The following APP variants were observed in gnomAD, a reference collection of about 807,000 sequenced individuals.
The protein encoded by APP is amyloid beta precursor protein, also known as amyloid-beta precursor protein.
APP carries 31 observed loss-of-function variants against 101.4 expected under a neutral mutation model. The observed-to-expected ratio is 0.31, with a 90% CI of 0.23 to 0.41. The LOEUF (loss-of-function observed/expected upper bound fraction) is 0.41, where lower values mean the gene tolerates loss of function less well. Ranked by LOEUF, APP falls within the 10% of genes least tolerant of loss-of-function variation. The probability of loss-of-function intolerance (pLI) is 1.00; values close to 1 mark genes in which losing one functional copy is unlikely to be tolerated. For synonymous variants in APP, 366 were observed against 364.4 expected, an observed-to-expected ratio of 1.00 and a Z score of -0.05; for missense variants, 839 against 1,003.7, an observed-to-expected ratio of 0.84 and a Z score of 2.22.
At chr21:26,065,594 T>C (rs570138293) in intron 3 of APP, among the ~76,000 whole-genome samples, 9 of 152,332 alleles carry the variant, frequency 5.9e-5, no homozygotes, top group Admixed American at 3.9e-4. Flanking sequence ...ATGAGGAATC[T>C]TGAGCCTGAT....
intron 1 of APP, among the ~76,000 whole-genome samples, chr21:26,123,474 C>T (rs1043742174): frequency 6.6e-6 from 1 of 152,168 alleles, no homozygotes. Context: ...AAGAATACTC[C>T]AGGTTTAAAT....
At chr21:25,918,066 G>A (rs1052223972) in intron 13 of APP, among the ~76,000 whole-genome samples, 2 of 152,180 alleles carry the variant, frequency 1.3e-5, no homozygotes, top group African/African-American at 4.8e-5. Context: ...AAATAGGCAC[G>A]CTTTTACACT....
Position 26,101,040 on chromosome 21 carries a change from A to G in APP, c.225+10939T>C, listed in dbSNP as rs141017882. On this transcript the variant is annotated intron_variant, in intron 2 of 17. Coordinates refer to ENST00000346798, the MANE Select transcript of APP (RefSeq NM_000484.4). ...AGCTCCAAGAAGTGCACTGCATGTT[A>G]TTAAAAGAATAGAGAGGCTGGAAGA... Among the ~76,000 whole-genome samples, 85 of 149,048 alleles carry G rather than the reference A, an allele frequency of 5.7e-4. No individual in the cohort carries two copies. The East Asian group carries it at 9.3e-3, about 16-fold the overall frequency.
intron 13 of APP, among the ~76,000 whole-genome samples, chr21:25,939,836 C>G (rs1317403256): frequency 6.6e-6 from 1 of 151,798 alleles, no homozygotes; most frequent in Non-Finnish European, 1.5e-5. Context: ...AAAAAAAGTA[C>G]TCAAGAATTT....
intron 9 of APP, 35 bp downstream of exon 9, chr21:25,982,309 A>G: frequency 6.2e-7 from 1 of 1,612,356 alleles, no homozygotes. Flanking sequence ...GTTTCCCAAT[A>G]TCGTAGGGCT....
At chr21:25,890,041 C>T (rs543659509) in intron 17 of APP, among the ~76,000 whole-genome samples, 212 of 152,260 alleles carry the variant, frequency 1.4e-3, no homozygotes, top group Middle Eastern at 3.4e-3. Flanking sequence ...GAAAACCTAT[C>T]TTACACTGTT....
chr21:25,952,730 A>AAGAT (rs1220886007), intron 13 of APP, among the ~76,000 whole-genome samples: 1 of 147,776 alleles, frequency 6.8e-6, no homozygotes, highest in Non-Finnish European at 1.5e-5. Flanking sequence ...AAACAGGCTT[A>AAGAT]AGATAGCTGT....
intron 3 of APP, among the ~76,000 whole-genome samples, chr21:26,081,327 T>C (rs2061594045): frequency 7.3e-6 from 1 of 137,368 alleles, no homozygotes; most frequent in Admixed American, 8.3e-5. Context: ...GAAAGGGAGA[T>C]GGGGTAGGGC....
At position 25,947,740 on chromosome 21, in the gene APP, C is replaced by T. The variant is rs111714401; in HGVS notation, c.1687+6850G>A. On this transcript the variant is annotated intron_variant, in intron 13 of 17. Transcript: ENST00000346798. ...GTTCTTGGCCAGATGTGGGGGCTCA[C>T]GCCTGTATTCCCAGCATTTTGGGGG... Among the ~76,000 whole-genome samples the T allele has an allele frequency of 4.8e-3, 728 of 152,224 alleles. 7 individuals are homozygous for T. Among genetic ancestry groups the T allele is most frequent in the African/African-American group, 0.016 (665 of 41,542 alleles).
Position 26,058,762 on chromosome 21 carries a change from C to G in APP, c.356-5414G>C, listed in dbSNP as rs147300111. Among the ~76,000 whole-genome samples, 380 of 151,984 alleles carry G rather than the reference C, an allele frequency of 2.5e-3. 3 individuals carry two copies. The highest frequency in any genetic ancestry group is 9.0e-3 in the African/African-American group (373 of 41,472). The stretch of plus-strand genomic sequence containing the variant: ...GCCAGCCTGCATAACTTAGAGAGAC[C>G]CTACCTCTAAAAATAAATGTTTAAA... On this transcript the variant is annotated intron_variant, in intron 3 of 17. Coordinates refer to ENST00000346798, the MANE Select transcript of APP (RefSeq NM_000484.4).
intron 17 of APP, 104 bp downstream of exon 17, chr21:25,891,618 T>C (rs574315379): frequency 5.2e-6 from 6 of 1,154,934 alleles, no homozygotes; most frequent in Non-Finnish European, 7.8e-6. Context: ...GCACACTGAT[T>C]CGTTTTTTAA....
intron 3 of APP, among the ~76,000 whole-genome samples, chr21:26,060,299 A>C (rs1278263633): frequency 6.6e-6 from 1 of 152,208 alleles, no homozygotes; most frequent in East Asian, 1.9e-4. Context: ...GGGTGAATAC[A>C]TGACAGCAAT....
chr21:26,074,511 T>C (rs569784490), intron 3 of APP, among the ~76,000 whole-genome samples: 4 of 152,256 alleles, frequency 2.6e-5, no homozygotes, highest in African/African-American at 7.2e-5. Flanking sequence ...ATTCCAGCAC[T>C]AGGCCGAGGC....
intron 8 of APP, among the ~76,000 whole-genome samples, chr21:25,987,053 G>T (rs2042667088): frequency 6.6e-6 from 1 of 152,166 alleles, no homozygotes; most frequent in Non-Finnish European, 1.5e-5. Flanking sequence ...CACTGTAAAG[G>T]GTTTTTGTTG....
At chr21:25,981,516 A>C (rs2042428372) in intron 9 of APP, among the ~76,000 whole-genome samples, 1 of 152,246 alleles carries the variant, frequency 6.6e-6, no homozygotes, top group African/African-American at 2.4e-5. Context: ...GAATGAATGA[A>C]TGAATGAGGA....
intron 1 of APP, among the ~76,000 whole-genome samples, chr21:26,129,448 G>A (rs1053363236): frequency 2.6e-5 from 4 of 150,968 alleles, no homozygotes; most frequent in Admixed American, 2.6e-4. Flanking sequence ...CAGCCTGGGT[G>A]ACAGAGTGAG....
At position 26,001,122 on chromosome 21, in the gene APP, C is replaced by T. The variant is rs189050946; in HGVS notation, c.866-940G>A. Among the ~76,000 whole-genome samples the T allele has an allele frequency of 9.5e-4, 145 of 152,214 alleles. 1 individual carries two copies. The highest frequency in any genetic ancestry group is 3.7e-3 in the South Asian group (18 of 4,826). ...GGCAGGAATGTTCCAAACAATAAAA[C>T]GCAGTCAATCAACTCCAACTGATTA... On this transcript the variant is annotated intron_variant, in intron 6 of 17. Coordinates refer to ENST00000346798, the MANE Select transcript of APP (RefSeq NM_000484.4).
intron 13 of APP, among the ~76,000 whole-genome samples, chr21:25,924,483 G>A (rs4817071): frequency 1 from 128,607 of 128,616 alleles, 64,299 homozygotes; most frequent in Non-Finnish European, 1. Flanking sequence ...TGAAGCTGGA[G>A]GCCATCATCC....
At chr21:25,898,271 A>G (rs1054869142) in intron 15 of APP, among the ~76,000 whole-genome samples, 1 of 152,224 alleles carries the variant, frequency 6.6e-6, no homozygotes, top group East Asian at 1.9e-4. Context: ...GCTATAGTAC[A>G]TAATTTTAAA....
Sources: allele counts gnomAD v4.1 joint callset (sites outside exome capture counted in the v4.1 genomes callset), GRCh38; gene constraint gnomAD v4.1.1; transcripts MANE v1.5; gene names NCBI Gene and HGNC (gene_info 2026-07-23, HGNC 2026-07-21).